TTN: variants seen among roughly 807,000 people sequenced by gnomAD.
TTN encodes titin.
A neutral mutation model predicts 3,223.0 loss-of-function variants in TTN; 1,525 were observed. The ratio of observed to expected loss-of-function variants is 0.47; its 90% CI spans 0.45 to 0.49. The LOEUF is 0.49. Among genes scored for constraint, TTN ranks in the 20% least tolerant of loss-of-function variants. The pLI, the probability that TTN is intolerant of heterozygous loss-of-function variation, is 0.00. For missense variants in TTN, 40,786 were observed against 43,424.0 expected (o/e 0.94, Z 5.40); for synonymous variants, 14,094 against 15,161.0 (o/e 0.93, Z 5.17).
At chr2:178,747,462 C>T in intron 47 of TTN, 1 of 1,613,408 alleles carries the variant, frequency 6.2e-7, no homozygotes, top group Non-Finnish European at 8.5e-7. Context: ...TCAGATATTT[C>T]TTCACTGGTT....
chr2:178,706,850 A>G lies in TTN; in HGVS notation c.29134+12T>C, dbSNP rs1391963883. The G allele has an allele frequency of 1.2e-6, 2 of 1,611,370 alleles. No individual in the cohort carries two copies. The highest frequency in any genetic ancestry group is 1.7e-6 in the Non-Finnish European group (2 of 1,178,490). On this transcript the variant is annotated intron_variant, in intron 101 of 362. Transcript: ENST00000589042. ...GATAGATGAAGATGTACTTCTCATG[A>G]AGTGCACTTACTTTCTACGACTCTG...
chr2:178,717,115 G>T lies in TTN; in HGVS notation c.25619C>A (p.Ser8540Tyr). The T allele has an allele frequency of 6.2e-7, 1 of 1,613,050 alleles. No homozygotes were observed. Among genetic ancestry groups the T allele is most frequent in the South Asian group, 1.1e-5 (1 of 90,966 alleles). Residue 8540 changes from serine (S) to tyrosine (Y), a missense_variant, in exon 88 of 363, where the codon TCT (serine) becomes TAT (tyrosine). By Grantham distance (144) the Ser-to-Tyr change is moderately radical (BLOSUM62 -2). Transcript: ENST00000589042. The part of the protein sequence containing the change: ...ASNIAGKDSC[S>Y]AQLGVQEPPR... The stretch of plus-strand genomic sequence containing the variant: ...AGTACCTTGTACACCCAGCTGAGCA[G>T]AACAAGAGTCTTTTCCAGCGATGTT...
rs1292930837 is a variant in TTN at position 178,609,798 on chromosome 2, C to T, written c.51625G>A (p.Ala17209Thr). 6.8e-6 allele frequency: 11 copies of T among 1,612,758 alleles called. No individual in the cohort carries two copies. Among genetic ancestry groups the T allele is most frequent in the African/African-American group, 6.7e-5 (5 of 74,812 alleles). The change falls in exon 272 of 363, where the codon GCA becomes ACA. Residue 17209 changes from alanine to threonine, a missense_variant. Physicochemically the swap from Ala to Thr is moderately conservative, Grantham distance 58. Coordinates refer to ENST00000589042, the MANE Select transcript of TTN (RefSeq NM_001267550.2). ...TCTTTCCCCTCTTCAAGTCCTTTTG[C>T]TGTATAGGTCAGGATTGGTACCAGG... is the stretch of plus-strand genomic sequence containing the variant. Reference protein sequence around the residue: ...EHLVPILTYTAKGLEEGKEYQ... With the variant: ...EHLVPILTYTTKGLEEGKEYQ...
At position 178,560,963 on chromosome 2, in the gene TTN, G is replaced by A. The variant is rs267599032; in HGVS notation, c.85169C>T (p.Ser28390Phe). ...AATTTCTATACCATCCTTGGCCCAGGAAATTACTGGCAGAGGTCGCCCTGC... is the reference window on the plus strand; with the variant it reads ...AATTTCTATACCATCCTTGGCCCAGAAAATTACTGGCAGAGGTCGCCCTGC... The part of the protein sequence containing the change: ...DIAGRPLPVI[S>F]WAKDGIEIEE... Residue 28390 changes from serine to phenylalanine, a missense_variant, in exon 326 of 363, where the codon TCC becomes TTC. Transcript: ENST00000589042. The A allele has an allele frequency of 6.2e-7, 1 of 1,613,800 alleles. No individual in the cohort carries two copies. The highest frequency in any genetic ancestry group is 8.5e-7 in the Non-Finnish European group (1 of 1,179,796).
chr2:178,651,491 A>G lies in TTN; in HGVS notation c.39509T>C (p.Leu13170Pro). ...KEVVPEKKVPLVVPKKPEAPP... is the reference protein window; with the variant it reads ...KEVVPEKKVPPVVPKKPEAPP... ...GGCTTCTGGCTTTTTGGGAACCACC[A>G]GAGGCACCTTCTTTTCAGGAACAAC... Residue 13170 changes from leucine (L) to proline (P), a missense_variant, in exon 207 of 363, where the codon CTG becomes CCG. Physicochemically the swap from Leu to Pro is moderately conservative, Grantham distance 98 (BLOSUM62 -3). Coordinates refer to ENST00000589042, the MANE Select transcript of TTN (RefSeq NM_001267550.2). 6.2e-7 allele frequency: 1 copy of G among 1,612,962 alleles called. No individual in the cohort carries two copies. The highest frequency in any genetic ancestry group is 8.5e-7 in the Non-Finnish European group (1 of 1,179,480).
chr2:178,575,301 C>T lies in TTN; in HGVS notation c.70831G>A (p.Ala23611Thr), dbSNP rs373765469. The change falls in exon 326 of 363, where the codon GCG becomes ACG. Residue 23611 changes from alanine to threonine, a missense_variant. By Grantham distance (58) the Ala-to-Thr change is moderately conservative. Coordinates refer to ENST00000589042, the MANE Select transcript of TTN (RefSeq NM_001267550.2). The surrounding 1 kb of genome is among the most constrained non-coding windows in gnomAD (Gnocchi z 4.0). ...CTTTCTCTAGGGGCACTTCTCCCCGCGCTGTTCACTGCCATCACTTGGAAG... is the reference window on the plus strand; with the variant it reads ...CTTTCTCTAGGGGCACTTCTCCCCGTGCTGTTCACTGCCATCACTTGGAAG... ...YTFQVMAVNS[A>T]GRSAPRESRP... 67 of 1,613,344 alleles carry T rather than the reference C, an allele frequency of 4.2e-5. No individual in the cohort carries two copies. The highest frequency in any genetic ancestry group is 4.0e-5 in the African/African-American group (3 of 74,916).
intron 47 of TTN, chr2:178,751,488 T>C (rs201304715): frequency 6.2e-7 from 1 of 1,613,292 alleles, no homozygotes; most frequent in Admixed American, 1.7e-5. Context: ...GGAGAGCCAG[T>C]AAACCTCAGG....
intron 250 of TTN, 70 bp downstream of exon 250, chr2:178,619,551 T>TA: frequency 1.3e-6 from 2 of 1,570,868 alleles, no homozygotes; most frequent in African/African-American, 1.4e-5. Flanking sequence ...ATTACCTCAT[T>TA]AAATAACTGT....
At position 178,633,998 on chromosome 2, in the gene TTN, A is replaced by G; in HGVS notation, c.42501T>C (p.His14167=). ...TGAACCAGACTACATGCATTTTTTC[A>G]TGAGAAAGTTCACAAACAAAAGTTG... The part of the protein sequence containing the change: ...ETATFVCELS[H]EKMHVVWFKN... The change falls in exon 231 of 363, where the codon CAT becomes CAC. Residue 14167 remains histidine (H), a synonymous_variant. Transcript: ENST00000589042. 6.2e-7 allele frequency: 1 copy of G among 1,613,288 alleles called. No individual in the cohort carries two copies. The highest frequency in any genetic ancestry group is 8.5e-7 in the Non-Finnish European group (1 of 1,179,500).
Position 178,579,099 on chromosome 2 carries a change from G to C in TTN, c.67931C>G (p.Pro22644Arg), listed in dbSNP as rs1366675225. The C allele has an allele frequency of 6.2e-7, 1 of 1,613,346 alleles. No homozygotes were observed. The highest frequency in any genetic ancestry group is 2.2e-5 in the East Asian group (1 of 44,736). The change falls in exon 320 of 363, where the codon CCT becomes CGT. Residue 22644 changes from proline to arginine, a missense_variant. Pro to Arg is a moderately radical substitution (Grantham distance 103, BLOSUM62 -2). Transcript: ENST00000589042. ...GTISIKVVGK[P>R]GIPTGPIKFD... is the part of the protein sequence containing the mutation. ...TTTGATTGGTCCAGTGGGGATGCCA[G>C]GCTTGCCAACAACCTTTATGGAGAT...
Position 178,612,258 on chromosome 2 carries a change from A to G in TTN, c.50248+19T>C. On this transcript the variant is annotated intron_variant, in intron 266 of 362. Coordinates refer to ENST00000589042, the MANE Select transcript of TTN (RefSeq NM_001267550.2). Reference sequence around the variant, plus strand: ...TGCGAGAGCACTTATTGTCACAAAGATTAAGTGCAAGAGCATACTAAAGGT... The same window carrying G: ...TGCGAGAGCACTTATTGTCACAAAGGTTAAGTGCAAGAGCATACTAAAGGT... 1 of 1,608,512 alleles carries G rather than the reference A, an allele frequency of 6.2e-7. No homozygotes were observed. The highest frequency in any genetic ancestry group is 8.5e-7 in the Non-Finnish European group (1 of 1,178,268).
At position 178,732,840 on chromosome 2, in the gene TTN, C is replaced by T. The variant is rs1232217078; in HGVS notation, c.16336G>A (p.Val5446Met). 1 of 1,608,150 alleles carries T rather than the reference C, an allele frequency of 6.2e-7. No homozygotes were observed. The highest frequency in any genetic ancestry group is 8.5e-7 in the Non-Finnish European group (1 of 1,176,276). Residue 5446 changes from valine (V) to methionine (M), a missense_variant, in exon 55 of 363, where the codon GTG becomes ATG. Physicochemically the swap from Val to Met is conservative, Grantham distance 21. Coordinates refer to ENST00000589042, the MANE Select transcript of TTN (RefSeq NM_001267550.2). ...GSKDSSGALI[V>M]QEPPSFVTKP... Reference sequence around the variant, plus strand: ...TGCAAAGTCTCCAGCCAACCTTGCACAATCAGGGCTCCACTGCTGTCTTTG... The same window carrying T: ...TGCAAAGTCTCCAGCCAACCTTGCATAATCAGGGCTCCACTGCTGTCTTTG...
At chr2:178,678,530 A>G (rs2068613566) in intron 143 of TTN, 33 bp from the exon 144 acceptor site, 1 of 1,492,614 alleles carries the variant, frequency 6.7e-7, no homozygotes, top group Non-Finnish European at 9.0e-7. Context: ...AAAATTTTAT[A>G]CGACATAAAA....
chr2:178,621,809 T>G (rs946519042), intron 244 of TTN, 31 bp downstream of exon 244: 6 of 1,611,008 alleles, frequency 3.7e-6, no homozygotes, highest in Non-Finnish European at 5.1e-6. Flanking sequence ...TCCCAACACA[T>G]ATACTTCACA....
chr2:178,650,913 G>A, intron 208 of TTN, 79 bp from the exon 209 acceptor site: 1 of 1,430,320 alleles, frequency 7.0e-7, no homozygotes, highest in Non-Finnish European at 9.6e-7. Context: ...TTCACATTTT[G>A]CTCAAATAAC....
At chr2:178,689,984 C>A (rs910035738) in intron 121 of TTN, 88 bp from the exon 122 acceptor site, 8 of 1,109,370 alleles carry the variant, frequency 7.2e-6, no homozygotes, top group African/African-American at 1.6e-5. Flanking sequence ...TTATGTAGTA[C>A]ATTAATGTTG....
chr2:178,543,809 A>G (rs757366388), intron 346 of TTN, 25 bp downstream of exon 346: 2 of 1,610,956 alleles, frequency 1.2e-6, no homozygotes, highest in Non-Finnish European at 1.7e-6. Context: ...CTCATTGTAT[A>G]GCCAATTTTA....
At position 178,764,247 on chromosome 2, in the gene TTN, G is replaced by A. The variant is rs1553983924; in HGVS notation, c.10044C>T (p.Ile3348=). 6.2e-7 allele frequency: 1 copy of A among 1,614,120 alleles called. No homozygotes were observed. The highest frequency in any genetic ancestry group is 8.5e-7 in the Non-Finnish European group (1 of 1,179,992). The change falls in exon 43 of 363, where the codon ATC becomes ATT. Residue 3348 remains isoleucine (I), a synonymous_variant. Transcript: ENST00000589042. Reference sequence around the variant, plus strand: ...AAGTGACAGTGTCCTGAAGCGGGGTGATGATGGCAGGTGGATAAACAGGCA... The same window carrying A: ...AAGTGACAGTGTCCTGAAGCGGGGTAATGATGGCAGGTGGATAAACAGGCA... ...QEMPVYPPAI[I]TPLQDTVTSE...
At chr2:178,676,225 T>C in intron 147 of TTN, 1 of 361,788 alleles carries the variant, frequency 2.8e-6, no homozygotes, top group Non-Finnish European at 5.0e-6. Context: ...CAAAAATAAT[T>C]GCGGTTTTGA....
Sources: allele counts gnomAD v4.1 joint callset, GRCh38; gene constraint gnomAD v4.1.1; non-coding constraint Gnocchi (gnomAD v3.1); transcripts MANE v1.5; gene names NCBI Gene and HGNC (gene_info 2026-07-23, HGNC 2026-07-21).